CMTM8: variants seen among roughly 807,000 people sequenced by gnomAD.
The protein encoded by CMTM8 is CKLF like MARVEL transmembrane domain containing 8.
Under a neutral mutation model 18.6 loss-of-function variants are expected in CMTM8, and 12 were observed. That is an observed-to-expected ratio of 0.65 (90% CI 0.41 to 1.05). The LOEUF is 1.05. Among genes scored for constraint, CMTM8 ranks in the 50% least tolerant of loss-of-function variants. CMTM8 has a pLI of 0.00. For missense variants in CMTM8, 217 were observed against 227.2 expected, an observed-to-expected ratio of 0.95 and a Z score of 0.29; for synonymous variants, 87 against 90.6, an observed-to-expected ratio of 0.96 and a Z score of 0.23.
chr3:32,327,811 C>T (rs1390806730), intron 1 of CMTM8, among the ~76,000 whole-genome samples: 2 of 152,216 alleles, frequency 1.3e-5, no homozygotes, highest in South Asian at 2.1e-4. Context: ...CATGCAGATT[C>T]TTTTCGATTA....
intron 1 of CMTM8, among the ~76,000 whole-genome samples, chr3:32,273,549 C>A (rs1702473238): frequency 1.3e-5 from 2 of 152,236 alleles, no homozygotes; most frequent in South Asian, 4.2e-4. Context: ...ATTGATGACC[C>A]TTGAAAACAT....
chr3:32,291,027 C>T (rs1170648707), intron 1 of CMTM8, among the ~76,000 whole-genome samples: 4 of 152,106 alleles, frequency 2.6e-5, no homozygotes, highest in Non-Finnish European at 4.4e-5. Context: ...GGATTACAGG[C>T]GTGAACCGCT....
intron 1 of CMTM8, among the ~76,000 whole-genome samples, chr3:32,333,817 T>C (rs1696328875): frequency 1.3e-5 from 2 of 152,088 alleles, no homozygotes; most frequent in Non-Finnish European, 2.9e-5. Context: ...TCTAAACCCA[T>C]AGAATGCCTA....
At chr3:32,307,274 A>C (rs1695732335) in intron 1 of CMTM8, among the ~76,000 whole-genome samples, 1 of 152,218 alleles carries the variant, frequency 6.6e-6, no homozygotes, top group Non-Finnish European at 1.5e-5. Context: ...CGGAAGGTAG[A>C]GGTTTTCAGT....
chr3:32,328,919 A>C (rs1384932287), intron 1 of CMTM8, among the ~76,000 whole-genome samples: 1 of 152,190 alleles, frequency 6.6e-6, no homozygotes, highest in African/African-American at 2.4e-5. Flanking sequence ...AAGAATTAAC[A>C]CCAGTCCTTG....
At chr3:32,280,249 T>A (rs568999337) in intron 1 of CMTM8, among the ~76,000 whole-genome samples, 48 of 152,162 alleles carry the variant, frequency 3.2e-4, no homozygotes, top group African/African-American at 1.1e-3. Flanking sequence ...TTTCCTAGAA[T>A]GGAATTAAAA....
At chr3:32,258,441 C>T (rs1185368915) in intron 1 of CMTM8, among the ~76,000 whole-genome samples, 1 of 151,972 alleles carries the variant, frequency 6.6e-6, no homozygotes, top group Non-Finnish European at 1.5e-5. Flanking sequence ...GAATAATGAC[C>T]CTCTTTCTGT....
At chr3:32,275,511 G>A (rs535563811) in intron 1 of CMTM8, among the ~76,000 whole-genome samples, 2 of 152,238 alleles carry the variant, frequency 1.3e-5, no homozygotes, top group South Asian at 2.1e-4. Flanking sequence ...CTGGCGCATT[G>A]TAAGAACTCA....
chr3:32,344,810 G>A (rs1025144184), intron 1 of CMTM8, among the ~76,000 whole-genome samples: 3 of 152,084 alleles, frequency 2.0e-5, no homozygotes, highest in African/African-American at 7.2e-5. Flanking sequence ...TGGGAGAATC[G>A]CTTGAGCCCA....
intron 1 of CMTM8, chr3:32,259,422 A>G (rs1702223612): frequency 1.2e-6 from 1 of 863,692 alleles, no homozygotes; most frequent in Non-Finnish European, 2.0e-6. Flanking sequence ...CTTGCTGCTG[A>G]TGACTTTAGA....
At chr3:32,268,861 C>T (rs1439586332) in intron 1 of CMTM8, among the ~76,000 whole-genome samples, 1 of 152,170 alleles carries the variant, frequency 6.6e-6, no homozygotes, top group East Asian at 1.9e-4. Context: ...CCTTATCTTG[C>T]CTTGCCCTTT....
At chr3:32,320,328 C>T (rs77481306) in intron 1 of CMTM8, among the ~76,000 whole-genome samples, 4 of 152,100 alleles carry the variant, frequency 2.6e-5, no homozygotes, top group South Asian at 2.1e-4. Context: ...CATGCCACAA[C>T]GAGGAGGAAC....
chr3:32,332,201 A>G (rs747968446), intron 1 of CMTM8, among the ~76,000 whole-genome samples: 25 of 152,350 alleles, frequency 1.6e-4, no homozygotes, highest in Non-Finnish European at 3.5e-4. Flanking sequence ...GGCATTGTCC[A>G]TATGGGGCTG....
At position 32,358,407 on chromosome 3, in the gene CMTM8, A is replaced by T. The variant is rs1362236904; in HGVS notation, c.321+861A>T. Among the ~76,000 whole-genome samples, 1 of 152,242 alleles carries T rather than the reference A, an allele frequency of 6.6e-6. No homozygotes were observed. Among genetic ancestry groups the T allele is most frequent in the Non-Finnish European group, 1.5e-5 (1 of 68,048 alleles). ...GATTTACAAAAAAAATCCCAGTGGT[A>T]CCACATGTGTTTATGTATAAAACAG... On this transcript the variant is annotated intron_variant, in intron 2 of 3. Coordinates refer to ENST00000307526, the MANE Select transcript of CMTM8 (RefSeq NM_178868.5). This position sits in a 1 kb window ranked among gnomAD's most constrained non-coding sequence, Gnocchi z 4.1.
rs58364646 is a variant in CMTM8, at chr3:32,361,286, G to GTTTTTTTTTTGTTTTTTTTTT, written c.321+3749_321+3750insTGTTTTTTTTTTTTTTTTTTT. ...GTGAGCCACGGCGCCCAGCCTAAGA[G>GTTTTTTTTTTGTTTTTTTTTT]TTTTTTTTTCTTTCAAATTTTGGAA... On this transcript the variant is annotated intron_variant, in intron 2 of 3. Coordinates refer to ENST00000307526, the MANE Select transcript of CMTM8 (RefSeq NM_178868.5). Among the ~76,000 whole-genome samples the GTTTTTTTTTTGTTTTTTTTTT allele has an allele frequency of 4.0e-3, 346 of 86,956 alleles. 11 individuals are homozygous for GTTTTTTTTTTGTTTTTTTTTT. The highest frequency in any genetic ancestry group is 0.011 in the African/African-American group (281 of 24,700). The allele number at this position is 86,956 out of a possible 152,430, so 57.0% of individuals were successfully genotyped here. A position where few individuals can be genotyped will look rare whatever the true frequency, so the allele number is the denominator to read the frequency against.
intron 1 of CMTM8, among the ~76,000 whole-genome samples, chr3:32,319,867 C>T (rs1696009036): frequency 6.6e-6 from 1 of 152,190 alleles, no homozygotes. Flanking sequence ...CAGCTCATGT[C>T]AGGATGCTTA....
At chr3:32,264,827 A>T (rs1388399527) in intron 1 of CMTM8, among the ~76,000 whole-genome samples, 1 of 152,222 alleles carries the variant, frequency 6.6e-6, no homozygotes, top group East Asian at 1.9e-4. Context: ...AACAGACTTT[A>T]AACCAACAAA....
intron 1 of CMTM8, among the ~76,000 whole-genome samples, chr3:32,315,850 ATTTCT>A (rs981791684): frequency 2.0e-5 from 3 of 152,036 alleles, no homozygotes; most frequent in African/African-American, 4.8e-5. Context: ...CCTATATTTT[ATTTCT>A]TTTAAGAAAC....
Position 32,247,853 on chromosome 3 carries a change from T to A in CMTM8, c.147+8734T>A, listed in dbSNP as rs148979053. ...TTTTCATCCCTCAAAAACAACCTCA[T>A]CCCTATTAGTAGTCACTCCCCATTC... On this transcript the variant is annotated intron_variant, in intron 1 of 3. Transcript: ENST00000307526. Among the ~76,000 whole-genome samples, 21 of 152,320 alleles carry A rather than the reference T, an allele frequency of 1.4e-4. 1 individual carries two copies. In the East Asian group the frequency reaches 4.0e-3, roughly 29 times the overall value.
Sources: allele counts gnomAD v4.1 joint callset (sites outside exome capture counted in the v4.1 genomes callset), GRCh38; gene constraint gnomAD v4.1.1; non-coding constraint Gnocchi (gnomAD v3.1); transcripts MANE v1.5; gene names NCBI Gene and HGNC (gene_info 2026-07-23, HGNC 2026-07-21).